ARSG: variants seen among roughly 807,000 people sequenced by gnomAD.
ARSG encodes the protein ASG.
Under a neutral mutation model 50.5 loss-of-function variants are expected in ARSG, and 37 were observed. The ratio of observed to expected loss-of-function variants is 0.73; its 90% CI spans 0.56 to 0.96. The LOEUF is 0.96. Among genes scored for constraint, ARSG ranks in the 50% least tolerant of loss-of-function variants. ARSG has a pLI of 0.00. For synonymous variants in ARSG, 225 were observed against 254.6 expected, an observed-to-expected ratio of 0.88 and a Z score of 1.11; for missense variants, 629 against 675.3, an observed-to-expected ratio of 0.93 and a Z score of 0.76.
intron 9 of ARSG, among the ~76,000 whole-genome samples, chr17:68,391,931 T>TTGTA (rs1158249030): frequency 1.3e-5 from 2 of 151,910 alleles, no homozygotes; most frequent in African/African-American, 2.4e-5. Flanking sequence ...CTGCCTGGGG[T>TTGTA]TGTAGGTAGA....
At chr17:68,263,758 A>G (rs782198586) in intron 1 of ARSG, among the ~76,000 whole-genome samples, 4 of 152,184 alleles carry the variant, frequency 2.6e-5, no homozygotes, top group African/African-American at 7.2e-5. Context: ...CCACGGTTTA[A>G]AGAATTAAAG....
chr17:68,300,157 G>A (rs1195777039), intron 1 of ARSG, among the ~76,000 whole-genome samples: 1 of 152,060 alleles, frequency 6.6e-6, no homozygotes, highest in East Asian at 1.9e-4. Flanking sequence ...TGTTGCCAAG[G>A]CTGGCCTCTA....
At chr17:68,431,962 CG>C in the ARSG span, among the ~76,000 whole-genome samples, 1 of 152,124 alleles carries the variant, frequency 6.6e-6, no homozygotes, top group African/African-American at 2.4e-5. Context: ...ACAGCTCAGC[CG>C]CCCTCTAGTG....
chr17:68,331,183 TTC>T (rs1379472891), intron 2 of ARSG, among the ~76,000 whole-genome samples: 3 of 32,200 alleles, frequency 9.3e-5, no homozygotes, highest in East Asian at 7.8e-4. Flanking sequence ...CAGGGTTTCT[TTC>T]TTTCTTTCTT....
At chr17:68,423,612 C>T (rs1003132401), downstream of ARSG, among the ~76,000 whole-genome samples, 1 of 152,236 alleles carries the variant, frequency 6.6e-6, no homozygotes, top group East Asian at 1.9e-4. This position sits in a 1 kb window ranked among gnomAD's most constrained non-coding sequence, Gnocchi z 4.4. Context: ...CCAACTTTCA[C>T]TCATTTGGTC....
At chr17:68,296,706 C>T (rs2076221458) in intron 1 of ARSG, among the ~76,000 whole-genome samples, 1 of 152,174 alleles carries the variant, frequency 6.6e-6, no homozygotes, top group Non-Finnish European at 1.5e-5. Flanking sequence ...TCATCCATAG[C>T]CCACTCGTGA....
chr17:68,274,412 G>C (rs1485109762), intron 1 of ARSG: 5 of 194,056 alleles, frequency 2.6e-5, no homozygotes, highest in Non-Finnish European at 4.4e-5. Context: ...GATGCAGTGA[G>C]CCAAGATTGC....
intron 1 of ARSG, among the ~76,000 whole-genome samples, chr17:68,266,028 T>C (rs2075152512): frequency 6.6e-6 from 1 of 152,178 alleles, no homozygotes; most frequent in Admixed American, 6.5e-5. Context: ...TGCTGTTTAC[T>C]TACAGGTTGC....
At chr17:68,269,625 T>A (rs1555747764) in intron 1 of ARSG, among the ~76,000 whole-genome samples, 3 of 147,100 alleles carry the variant, frequency 2.0e-5, no homozygotes, top group Non-Finnish European at 1.5e-5. Flanking sequence ...AAAGGTAATA[T>A]TCTTCGGTAG....
chr17:68,420,802 G>A lies in ARSG; in HGVS notation c.*339G>A, dbSNP rs929989234. On this transcript the variant is annotated 3_prime_UTR_variant, in exon 12 of 12. Transcript: ENST00000621439. ...GTTAAATAAAGGCATACATGAAAAT[G>A]CCTGGCAAATTACCTGACACAGAGC... is the stretch of plus-strand genomic sequence containing the variant. 1 of 288,652 alleles carries A rather than the reference G, an allele frequency of 3.5e-6. No individual in the cohort carries two copies. The highest frequency in any genetic ancestry group is 2.2e-5 in the African/African-American group (1 of 45,834). The allele number at this position is 288,652 out of a possible 1,614,324, so 17.9% of individuals were successfully genotyped here.
intron 10 of ARSG, among the ~76,000 whole-genome samples, chr17:68,396,026 T>TTTA: frequency 6.6e-6 from 1 of 151,244 alleles, no homozygotes. Flanking sequence ...TTTTTTTTTT[T>TTTA]GAGATGGAGT....
intron 8 of ARSG, among the ~76,000 whole-genome samples, chr17:68,383,317 C>T (rs1256969769): frequency 6.6e-6 from 1 of 152,218 alleles, no homozygotes; most frequent in Non-Finnish European, 1.5e-5. Context: ...GTTTACCCTT[C>T]TGGAAACATC....
At chr17:68,355,466 C>G (rs1026536602) in intron 5 of ARSG, among the ~76,000 whole-genome samples, 6 of 152,236 alleles carry the variant, frequency 3.9e-5, no homozygotes, top group African/African-American at 1.4e-4. Flanking sequence ...TCAAGCAATT[C>G]TCCTGCCTCA....
intron 2 of ARSG, among the ~76,000 whole-genome samples, chr17:68,319,465 GCT>G (rs1196530533): frequency 6.6e-6 from 1 of 152,178 alleles, no homozygotes; most frequent in Non-Finnish European, 1.5e-5. Context: ...TTACCTCATG[GCT>G]CTGTTTGATA....
rs767329586 is a variant in ARSG at position 68,384,072 on chromosome 17, C to T, written c.983-992C>T. Among the ~76,000 whole-genome samples the T allele has an allele frequency of 3.3e-5, 5 of 152,286 alleles. No homozygotes were observed. The East Asian group carries it at 5.8e-4, about 18-fold the overall frequency. The stretch of plus-strand genomic sequence containing the variant: ...GAAGCCTTCATCTTCTTCCTCCCCA[C>T]GCTTCTCCCCACATAATTGCTTTCA... On this transcript the variant is annotated intron_variant, in intron 8 of 11. Transcript: ENST00000621439.
At chr17:68,360,050 G>C (rs1050011833) in intron 6 of ARSG, among the ~76,000 whole-genome samples, 1 of 152,306 alleles carries the variant, frequency 6.6e-6, no homozygotes, top group African/African-American at 2.4e-5. Flanking sequence ...CTTAGGGGAA[G>C]GAATGGGGAC....
chr17:68,414,287 T>C (rs1373291935), intron 11 of ARSG: 1 of 152,236 alleles, frequency 6.6e-6, no homozygotes, highest in Non-Finnish European at 1.5e-5. Flanking sequence ...GTGATTTTTG[T>C]TTTTAATTCT....
chr17:68,425,914 C>T, downstream of ARSG: 1 of 625,638 alleles, frequency 1.6e-6, no homozygotes, highest in South Asian at 2.0e-5. Flanking sequence ...ATTCGAAGCA[C>T]ACAGTACAAC....
intron 1 of ARSG, among the ~76,000 whole-genome samples, chr17:68,263,864 T>C (rs2075111460): frequency 6.6e-6 from 1 of 152,164 alleles, no homozygotes; most frequent in Non-Finnish European, 1.5e-5. Context: ...TTTTTCTTAA[T>C]TTTTATTTTT....
Sources: gnomAD v4.1 joint callset for allele counts (sites outside exome capture counted in the v4.1 genomes callset) on GRCh38, gnomAD v4.1.1 for gene constraint, Gnocchi (gnomAD v3.1) non-coding constraint, MANE v1.5 for transcripts, NCBI Gene and HGNC (gene_info 2026-07-23, HGNC 2026-07-21) for gene names.